Variants in EIF2S1 observed in about 807,000 individuals in gnomAD.
EIF2S1 encodes eukaryotic translation initiation factor 2 subunit alpha, also known as eukaryotic translation initiation factor 2 subunit 1.
EIF2S1 carries 5 observed loss-of-function variants against 33.5 expected under a neutral mutation model. The observed-to-expected ratio is 0.15, with a 90% CI of 0.08 to 0.31. EIF2S1 has a LOEUF of 0.31. Ranked by LOEUF, EIF2S1 falls within the 10% of genes least tolerant of loss-of-function variation. The pLI is 1.00. For missense variants in EIF2S1, 191 were observed against 384.6 expected (o/e 0.50, Z 4.21); for synonymous variants, 99 against 127.5 (o/e 0.78, Z 1.51).
intron 4 of EIF2S1, 145 bp from the exon 5 acceptor site, chr14:67,380,514 C>T: frequency 2.4e-6 from 1 of 418,850 alleles, no homozygotes; most frequent in Non-Finnish European, 4.3e-6. Context: ...GATTTGAATT[C>T]TAATTGTGAC....
At position 67,384,082 on chromosome 14, in the gene EIF2S1, A is replaced by G. The variant is rs2085905011; in HGVS notation, c.*642A>G. The G allele has an allele frequency of 6.5e-6, 1 of 154,710 alleles. No homozygotes were observed. Among genetic ancestry groups the G allele is most frequent in the African/African-American group, 2.4e-5 (1 of 41,470 alleles). 9.6% of individuals were successfully genotyped at this position (154,710 alleles called of 1,614,324 possible). ...GGACAAAGCCTTAAAATGCATTGAA[A>G]GAATTAGATCGGTTCTGTGCCTTTT... On this transcript the variant is annotated 3_prime_UTR_variant, in exon 8 of 8. Transcript: ENST00000256383.
chr14:67,375,861 G>T (rs1251504677), intron 3 of EIF2S1, among the ~76,000 whole-genome samples: 1 of 152,074 alleles, frequency 6.6e-6, no homozygotes, highest in African/African-American at 2.4e-5. Context: ...GTCTCCTTAG[G>T]ATATTGTTAA....
intron 2 of EIF2S1, among the ~76,000 whole-genome samples, chr14:67,369,861 G>GTCTCT (rs1476615171): frequency 6.6e-6 from 1 of 152,134 alleles, no homozygotes; most frequent in Non-Finnish European, 1.5e-5. Context: ...AGCTCTGTTG[G>GTCTCT]GGAGACCCTA....
At chr14:67,378,782 T>G (rs971246854) in intron 4 of EIF2S1, among the ~76,000 whole-genome samples, 3 of 152,246 alleles carry the variant, frequency 2.0e-5, no homozygotes, top group South Asian at 4.1e-4. Flanking sequence ...CTAATGCTAG[T>G]TCTTTGCATT....
At chr14:67,374,743 T>C in intron 3 of EIF2S1, 196 bp downstream of exon 3, 1 of 400,532 alleles carries the variant, frequency 2.5e-6, no homozygotes, top group Non-Finnish European at 4.5e-6. Flanking sequence ...TTGTTTACAG[T>C]TGGAATGCCT....
intron 2 of EIF2S1, among the ~76,000 whole-genome samples, chr14:67,366,108 G>T (rs1328620727): frequency 1.0e-4 from 15 of 150,614 alleles, no homozygotes; most frequent in Non-Finnish European, 1.3e-4. Context: ...TAAGAATTGG[G>T]GTCTTGCTCT....
rs1595644782 is a variant in EIF2S1, at chr14:67,367,802, C to G, written c.241+2794C>G. 4.6e-5 allele frequency among the ~76,000 whole-genome samples: 7 copies of G among 151,666 alleles called. 2 individuals carry two copies. Among genetic ancestry groups the G allele is most frequent in the Middle Eastern group, 3.4e-3 (1 of 294 alleles). On this transcript the variant is annotated intron_variant, in intron 2 of 7. Transcript: ENST00000256383. ...AGTGAGCCAAGATTGCACCGCTGCA[C>G]TCCAACCTGGGTGATAGAACCAGAC...
chr14:67,368,962 C>G (rs1018946947), intron 2 of EIF2S1, among the ~76,000 whole-genome samples: 2 of 151,796 alleles, frequency 1.3e-5, no homozygotes, highest in Non-Finnish European at 2.9e-5. Flanking sequence ...AAGAAAAAAA[C>G]AAAAACCAGA....
intron 2 of EIF2S1, among the ~76,000 whole-genome samples, chr14:67,367,684 A>G (rs946766762): frequency 4.2e-4 from 60 of 143,962 alleles, no homozygotes; most frequent in African/African-American, 1.6e-3. Flanking sequence ...AAAAAATACA[A>G]AAATTAGCTG....
intron 1 of EIF2S1, 47 bp from the exon 2 acceptor site, chr14:67,364,720 T>A: frequency 6.5e-7 from 1 of 1,532,084 alleles, no homozygotes; most frequent in Non-Finnish European, 8.8e-7. Context: ...TTTTTTTTAT[T>A]TTCACCTTAA....
At chr14:67,364,346 C>T (rs2085760502) in intron 1 of EIF2S1, 2 of 155,414 alleles carry the variant, frequency 1.3e-5, no homozygotes, top group Non-Finnish European at 2.8e-5. Context: ...TGAGTGGTAG[C>T]GTATACAATG....
Position 67,385,709 on chromosome 14 carries a change from T to A in EIF2S1, c.*2269T>A, listed in dbSNP as rs1293867329. On this transcript the variant is annotated 3_prime_UTR_variant, in exon 8 of 8. Coordinates refer to ENST00000256383, the MANE Select transcript of EIF2S1 (RefSeq NM_004094.5). The stretch of plus-strand genomic sequence containing the variant: ...TGGTGTTATATTGCCTGGGCAGGTC[T>A]CGAAATCCTGGGCTCAAGCTATCCT... 6.7e-6 allele frequency: 1 copy of A among 149,606 alleles called. No homozygotes were observed. The highest frequency in any genetic ancestry group is 1.5e-5 in the Non-Finnish European group (1 of 67,538). 9.3% of individuals were successfully genotyped at this position (149,606 alleles called of 1,614,324 possible).
chr14:67,367,718 C>G (rs1029165504), intron 2 of EIF2S1, among the ~76,000 whole-genome samples: 7 of 150,436 alleles, frequency 4.7e-5, no homozygotes, highest in African/African-American at 1.7e-4. Context: ...ACCCTGTAGT[C>G]CCAGCTTCTC....
chr14:67,363,801 A>G lies in EIF2S1; in HGVS notation c.-1-966A>G, dbSNP rs370638665. Among the ~76,000 whole-genome samples the G allele has an allele frequency of 2.3e-4, 35 of 152,336 alleles. No homozygotes were observed. In the East Asian group the frequency reaches 2.7e-3, roughly 12 times the overall value. On this transcript the variant is annotated intron_variant, in intron 1 of 7. Coordinates refer to ENST00000256383, the MANE Select transcript of EIF2S1 (RefSeq NM_004094.5). ...ATAAGTTATTATATGAATTTTCACAAGGTTTTCTTAGGCCTTTAAGTTCTG... is the reference window on the plus strand; with the variant it reads ...ATAAGTTATTATATGAATTTTCACAGGGTTTTCTTAGGCCTTTAAGTTCTG...
chr14:67,383,626 T>A lies in EIF2S1; in HGVS notation c.*186T>A. On this transcript the variant is annotated 3_prime_UTR_variant, in exon 8 of 8. Transcript: ENST00000256383. ...CTAAATGTCAGCTGTTGTCACACAG[T>A]AGCTCCAACACTTTGAGCATTTTTA... 2 of 724,870 alleles carry A rather than the reference T, an allele frequency of 2.8e-6. No individual in the cohort carries two copies. The highest frequency in any genetic ancestry group is 4.4e-6 in the Non-Finnish European group (2 of 451,778). The allele number at this position is 724,870 out of a possible 1,614,324, so 44.9% of individuals were successfully genotyped here. A position where few individuals can be genotyped will look rare whatever the true frequency, so the allele number is the denominator to read the frequency against.
At chr14:67,373,027 T>G (rs1186618467) in intron 2 of EIF2S1, among the ~76,000 whole-genome samples, 1 of 152,212 alleles carries the variant, frequency 6.6e-6, no homozygotes, top group Admixed American at 6.5e-5. Context: ...ATCAATAGAT[T>G]GACTTTTTAA....
intron 7 of EIF2S1, among the ~76,000 whole-genome samples, chr14:67,382,837 G>A (rs1194455309): frequency 6.6e-6 from 1 of 151,666 alleles, no homozygotes; most frequent in Admixed American, 6.6e-5. Context: ...TCTCAGAATT[G>A]GAGAAAAAAA....
chr14:67,372,736 G>A (rs999156040), intron 2 of EIF2S1, among the ~76,000 whole-genome samples: 3 of 151,816 alleles, frequency 2.0e-5, no homozygotes, highest in Non-Finnish European at 4.4e-5. Flanking sequence ...GCTGAGGCAG[G>A]AGAATCACTT....
intron 4 of EIF2S1, among the ~76,000 whole-genome samples, chr14:67,379,262 C>T (rs1300960624): frequency 6.6e-6 from 1 of 152,102 alleles, no homozygotes. Context: ...GATTATATAT[C>T]TTTAAACTGA....
Sources: allele counts gnomAD v4.1 joint callset (sites outside exome capture counted in the v4.1 genomes callset), GRCh38; gene constraint gnomAD v4.1.1; transcripts MANE v1.5; gene names NCBI Gene and HGNC (gene_info 2026-07-23, HGNC 2026-07-21).